CC2D2B: variants seen among roughly 807,000 people sequenced by gnomAD.
CC2D2B encodes coiled-coil and C2 domain containing 2B.
CC2D2B carries 128 observed loss-of-function variants against 161.2 expected under a neutral mutation model. That is an observed-to-expected ratio of 0.79 (90% CI 0.69 to 0.92). The LOEUF (loss-of-function observed/expected upper bound fraction) is 0.92. Ranked by LOEUF, CC2D2B falls within the 40% of genes least tolerant of loss-of-function variation. The pLI is 0.00. For synonymous variants in CC2D2B, 391 were observed against 449.8 expected, an observed-to-expected ratio of 0.87 and a Z score of 1.65; for missense variants, 1,173 against 1,375.1, an observed-to-expected ratio of 0.85 and a Z score of 2.32.
chr10:95,984,853 G>T (rs1396547537), intron 19 of CC2D2B, among the ~76,000 whole-genome samples: 1 of 151,946 alleles, frequency 6.6e-6, no homozygotes, highest in Non-Finnish European at 1.5e-5. Flanking sequence ...CTGGGTGACA[G>T]AGTGAGACCC....
chr10:95,990,773 G>A (rs1247938118), intron 20 of CC2D2B, among the ~76,000 whole-genome samples: 1 of 152,174 alleles, frequency 6.6e-6, no homozygotes, highest in African/African-American at 2.4e-5. Context: ...GACAGGGTAA[G>A]AGGAGAAAGG....
intron 15 of CC2D2B, among the ~76,000 whole-genome samples, chr10:95,969,534 A>G (rs2077050432): frequency 1.3e-5 from 2 of 152,148 alleles, no homozygotes; most frequent in South Asian, 4.1e-4. Context: ...TTAGGAGGGA[A>G]TAAAGATTTG....
chr10:95,993,851 T>TATATATAG (rs756844236), intron 22 of CC2D2B, among the ~76,000 whole-genome samples: 1 of 98,074 alleles, frequency 1.0e-5, no homozygotes, highest in Admixed American at 1.1e-4. Flanking sequence ...TATATATATA[T>TATATATAG]AGAGAGAGAG....
At chr10:96,029,266 ATATATATATATATATATATG>A (rs1370040327) in intron 34 of CC2D2B, among the ~76,000 whole-genome samples, 3,554 of 66,608 alleles carry the variant, frequency 0.053, 51 homozygotes, top group Admixed American at 0.069. Context: ...ATATATATAT[ATATATATATATATATATATG>A]TATATATATA....
intron 9 of CC2D2B, among the ~76,000 whole-genome samples, chr10:95,947,769 A>T (rs1367962257): frequency 6.6e-6 from 1 of 151,858 alleles, no homozygotes; most frequent in African/African-American, 2.4e-5. Context: ...AAAAAAAAAG[A>T]TGGACTAAAA....
chr10:95,953,991 T>C (rs1033152359), intron 10 of CC2D2B, among the ~76,000 whole-genome samples: 1 of 152,206 alleles, frequency 6.6e-6, no homozygotes, highest in Non-Finnish European at 1.5e-5. Context: ...AAGCCATTCA[T>C]TGGCAAGAAT....
At chr10:95,995,940 G>C (rs2078214954) in intron 23 of CC2D2B, among the ~76,000 whole-genome samples, 1 of 152,090 alleles carries the variant, frequency 6.6e-6, no homozygotes, top group Non-Finnish European at 1.5e-5. Context: ...TTAAGAGAAA[G>C]TTCTGTTTAT....
chr10:95,938,390 CA>C, intron 7 of CC2D2B, 178 bp from the exon 8 acceptor site: 1 of 608,126 alleles, frequency 1.6e-6, no homozygotes. Context: ...CATATATAGG[CA>C]TATGTATTTA....
At chr10:95,950,791 A>G (rs1157450768) in intron 10 of CC2D2B, among the ~76,000 whole-genome samples, 1 of 152,142 alleles carries the variant, frequency 6.6e-6, no homozygotes, top group Non-Finnish European at 1.5e-5. Flanking sequence ...ACCTTCATAA[A>G]TATCTGTTAT....
At chr10:95,960,517 T>G (rs970810291) in intron 11 of CC2D2B, among the ~76,000 whole-genome samples, 16 of 94,608 alleles carry the variant, frequency 1.7e-4, no homozygotes, top group African/African-American at 7.3e-4. Context: ...GAAATACATA[T>G]TTTCTTTTTT....
intron 25 of CC2D2B, among the ~76,000 whole-genome samples, chr10:96,008,785 A>G (rs893024674): frequency 6.6e-6 from 1 of 152,008 alleles, no homozygotes; most frequent in African/African-American, 2.4e-5. Context: ...TTTGTATTCA[A>G]GTCTTTTGTC....
chr10:96,024,772 T>A, intron 32 of CC2D2B, 81 bp from the exon 33 acceptor site: 1 of 780,588 alleles, frequency 1.3e-6, no homozygotes. Flanking sequence ...TCTTCCTCCT[T>A]ATTATAGCTG....
intron 23 of CC2D2B, among the ~76,000 whole-genome samples, chr10:95,995,913 G>C (rs1223133869): frequency 2.0e-5 from 3 of 151,932 alleles, no homozygotes; most frequent in Admixed American, 2.0e-4. Flanking sequence ...ATTTTCCCCT[G>C]ATAGACTTTA....
At chr10:96,022,023 G>C (rs1032181715) in intron 32 of CC2D2B, among the ~76,000 whole-genome samples, 1 of 152,104 alleles carries the variant, frequency 6.6e-6, no homozygotes, top group African/African-American at 2.4e-5. Context: ...AGTGTATAAA[G>C]TGATGGATTT....
At chr10:95,971,992 G>A in intron 15 of CC2D2B, 74 bp from the exon 16 acceptor site, 1 of 716,818 alleles carries the variant, frequency 1.4e-6, no homozygotes, top group Non-Finnish European at 1.9e-6. Context: ...AATATATGTT[G>A]TTAAGGGTGC....
At position 95,937,859 on chromosome 10, in the gene CC2D2B, A is replaced by G. The variant is rs967658926; in HGVS notation, c.337-132A>G. On this transcript the variant is annotated intron_variant, in intron 6 of 34. Transcript: ENST00000646931. ...GAAATTTCATTGTAACACAAGTTCAACTGGAACTTGTTCTGTGGGTGGCAG... is the reference window on the plus strand; with the variant it reads ...GAAATTTCATTGTAACACAAGTTCAGCTGGAACTTGTTCTGTGGGTGGCAG... The G allele has an allele frequency of 4.8e-6, 3 of 622,412 alleles. No homozygotes were observed. The African/African-American group carries it at 5.6e-5, about 12-fold the overall frequency. 38.6% of individuals were successfully genotyped at this position (622,412 alleles called of 1,614,324 possible).
chr10:95,981,158 C>T (rs1189976033), intron 17 of CC2D2B, among the ~76,000 whole-genome samples: 1 of 152,100 alleles, frequency 6.6e-6, no homozygotes, highest in Non-Finnish European at 1.5e-5. Flanking sequence ...CTTTGGGAGG[C>T]CAAGGGGGGC....
intron 9 of CC2D2B, among the ~76,000 whole-genome samples, chr10:95,943,228 T>C (rs1433825352): frequency 2.0e-5 from 3 of 152,190 alleles, no homozygotes; most frequent in African/African-American, 4.8e-5. Flanking sequence ...TGCTGTACTT[T>C]CTGGTGCATT....
rs2077548087 is a variant in CC2D2B, at chr10:95,981,974, G to A, written c.1944-1G>A. Reference sequence around the variant, plus strand: ...TTCACAAAATATTTTCTCTATGTTAGTATGTTAAGGAATGTAGATGCAAGA... The same window carrying A: ...TTCACAAAATATTTTCTCTATGTTAATATGTTAAGGAATGTAGATGCAAGA... On this transcript the variant is annotated splice_acceptor_variant, in intron 17 of 34. Coordinates refer to ENST00000646931, the MANE Select transcript of CC2D2B (RefSeq NM_001349008.3). LOFTEE classifies it high-confidence loss of function. 8.2e-7 allele frequency: 1 copy of A among 1,223,422 alleles called. No homozygotes were observed. Among genetic ancestry groups the A allele is most frequent in the Admixed American group, 4.2e-5 (1 of 23,660 alleles). 75.8% of individuals were successfully genotyped at this position (1,223,422 alleles called of 1,614,324 possible).
Sources: allele counts gnomAD v4.1 joint callset (sites outside exome capture counted in the v4.1 genomes callset), GRCh38; gene constraint gnomAD v4.1.1; transcripts MANE v1.5; gene names NCBI Gene and HGNC (gene_info 2026-07-23, HGNC 2026-07-21).